The following LRBA variants were observed in gnomAD, a reference collection of about 807,000 sequenced individuals.
LRBA encodes LPS responsive beige-like anchor protein, also known as lipopolysaccharide-responsive and beige-like anchor protein.
LRBA carries 176 observed loss-of-function variants against 330.0 expected under a neutral mutation model. The observed-to-expected ratio is 0.53, with a 90% CI of 0.47 to 0.60. LRBA has a LOEUF of 0.60. Among genes scored for constraint, LRBA ranks in the 20% least tolerant of loss-of-function variants. The pLI is 0.00. For missense variants in LRBA, 3,259 were observed against 3,444.8 expected (o/e 0.95, Z 1.35); for synonymous variants, 1,230 against 1,193.0 (o/e 1.03, Z -0.64).
chr4:150,794,768 C>T (rs1484214561), intron 34 of LRBA, among the ~76,000 whole-genome samples: 5 of 152,016 alleles, frequency 3.3e-5, no homozygotes, highest in Non-Finnish European at 7.4e-5. Context: ...GACAGGATGC[C>T]AGTCCAGACT....
chr4:150,559,704 T>C (rs1465672345), intron 40 of LRBA, among the ~76,000 whole-genome samples: 2 of 90,330 alleles, frequency 2.2e-5, no homozygotes, highest in African/African-American at 4.7e-5. Context: ...TATTATATAT[T>C]ATATAATATT....
At chr4:150,860,379 G>GATT (rs1216229426) in intron 22 of LRBA, among the ~76,000 whole-genome samples, 15 of 152,246 alleles carry the variant, frequency 9.9e-5, no homozygotes, top group African/African-American at 3.6e-4. Context: ...AAGACTCCAT[G>GATT]ATTAACTTAG....
intron 2 of LRBA, among the ~76,000 whole-genome samples, chr4:150,966,562 G>C (rs1171032608): frequency 6.8e-6 from 1 of 147,206 alleles, no homozygotes; most frequent in Non-Finnish European, 1.5e-5. Context: ...TCCCAACCTC[G>C]TGATCCGCCC....
At chr4:150,416,653 T>C (rs921363546) in intron 46 of LRBA, among the ~76,000 whole-genome samples, 29 of 152,098 alleles carry the variant, frequency 1.9e-4, no homozygotes, top group Admixed American at 3.3e-4. Flanking sequence ...AAAAAGACCT[T>C]ATTTAAAGCT....
At chr4:150,463,820 C>G (rs938590033) in intron 44 of LRBA, among the ~76,000 whole-genome samples, 3 of 151,830 alleles carry the variant, frequency 2.0e-5, no homozygotes, top group Non-Finnish European at 2.9e-5. Flanking sequence ...AAAAATCATA[C>G]AGCCTACATA....
At chr4:150,774,392 C>G (rs905676218) in intron 34 of LRBA, among the ~76,000 whole-genome samples, 15 of 152,294 alleles carry the variant, frequency 9.8e-5, no homozygotes, top group Admixed American at 3.9e-4. Context: ...GTCTTCTTCG[C>G]TCCCCAAGGA....
chr4:150,620,073 C>T (rs1300231922), intron 37 of LRBA, among the ~76,000 whole-genome samples: 1 of 151,920 alleles, frequency 6.6e-6, no homozygotes, highest in African/African-American at 2.4e-5. Flanking sequence ...ATATTAAATA[C>T]CTAGATTAAA....
At chr4:150,313,460 TTGTC>T (rs1435373874) in intron 51 of LRBA, among the ~76,000 whole-genome samples, 3 of 152,128 alleles carry the variant, frequency 2.0e-5, no homozygotes, top group Non-Finnish European at 4.4e-5. Flanking sequence ...AACTTAAAAA[TTGTC>T]TGAGAGGATA....
intron 47 of LRBA, among the ~76,000 whole-genome samples, chr4:150,395,577 A>T (rs1017492409): frequency 6.6e-6 from 1 of 152,152 alleles, no homozygotes; most frequent in Non-Finnish European, 1.5e-5. Context: ...AATAAATTAA[A>T]TATAATTATA....
intron 49 of LRBA, among the ~76,000 whole-genome samples, chr4:150,325,237 G>A (rs991985640): frequency 2.0e-5 from 3 of 152,046 alleles, no homozygotes; most frequent in African/African-American, 4.8e-5. Flanking sequence ...TGAGTGAGGC[G>A]AGGTGAAAAG....
At chr4:150,560,334 C>T (rs994311380) in intron 40 of LRBA, among the ~76,000 whole-genome samples, 1 of 151,886 alleles carries the variant, frequency 6.6e-6, no homozygotes, top group Non-Finnish European at 1.5e-5. Flanking sequence ...ACATGTGATC[C>T]TTGTTTCTTA....
At chr4:150,419,633 CTTTTTTTTTTTTT>C (rs780382905) in intron 46 of LRBA, among the ~76,000 whole-genome samples, 1 of 96,990 alleles carries the variant, frequency 1.0e-5, no homozygotes, top group Non-Finnish European at 2.0e-5. Flanking sequence ...CTGATAATAT[CTTTTTTTTTTTTT>C]TTTTTTTTTG....
intron 35 of LRBA, among the ~76,000 whole-genome samples, chr4:150,754,390 T>C (rs1733985651): frequency 6.6e-6 from 1 of 151,812 alleles, no homozygotes; most frequent in African/African-American, 2.4e-5. Context: ...TAAGAGCATA[T>C]ACTTTATTCT....
intron 56 of LRBA, among the ~76,000 whole-genome samples, chr4:150,266,671 ACT>A (rs1193161939): frequency 2.0e-5 from 3 of 152,146 alleles, no homozygotes; most frequent in African/African-American, 7.2e-5. Context: ...GAGAGACAAA[ACT>A]CTAAGGCAGA....
chr4:150,637,305 T>C (rs1214881052), intron 37 of LRBA, among the ~76,000 whole-genome samples: 3 of 152,194 alleles, frequency 2.0e-5, no homozygotes, highest in Admixed American at 1.3e-4. Flanking sequence ...AGCTATCCTA[T>C]ACTAATAGCA....
chr4:150,661,623 A>G (rs1269580670), intron 37 of LRBA, among the ~76,000 whole-genome samples: 6 of 151,864 alleles, frequency 4.0e-5, no homozygotes, highest in South Asian at 2.1e-4. Context: ...TTTTATTTTT[A>G]TTTTTGAGAC....
rs142129451 is a variant in LRBA, at chr4:150,846,743, A to G, written c.4340-1964T>C. ...TACACAAATACAATTTAAAAAAAAG[A>G]TATCACACATTTGGACTGTTACTTT... is the stretch of plus-strand genomic sequence containing the variant. On this transcript the variant is annotated intron_variant, in intron 26 of 56. Transcript: ENST00000651943. Among the ~76,000 whole-genome samples the G allele has an allele frequency of 1.7e-3, 260 of 152,252 alleles. 6 individuals carry two copies. The East Asian group carries it at 0.04, about 23-fold the overall frequency.
At chr4:150,855,006 C>A (rs536386925) in intron 22 of LRBA, among the ~76,000 whole-genome samples, 1 of 152,192 alleles carries the variant, frequency 6.6e-6, no homozygotes, top group African/African-American at 2.4e-5. Flanking sequence ...GCCTGTAATC[C>A]CAGCACTTTA....
chr4:150,797,937 G>A, intron 34 of LRBA, 144 bp downstream of exon 34: 2 of 571,698 alleles, frequency 3.5e-6, no homozygotes, highest in South Asian at 5.2e-5. Flanking sequence ...TAATCCTTTT[G>A]CAATACAAAC....
Sources: allele counts gnomAD v4.1 joint callset (sites outside exome capture counted in the v4.1 genomes callset), GRCh38; gene constraint gnomAD v4.1.1; transcripts MANE v1.5; gene names NCBI Gene and HGNC (gene_info 2026-07-23, HGNC 2026-07-21).